Variants in CPQ observed in about 807,000 individuals in gnomAD.
CPQ encodes Ser-Met dipeptidase.
CPQ carries 37 observed loss-of-function variants against 45.7 expected under a neutral mutation model. The observed-to-expected ratio is 0.81, with a 90% CI of 0.62 to 1.07. The LOEUF is 1.07. Among genes scored for constraint, CPQ ranks in the 50% least tolerant of loss-of-function variants. CPQ has a pLI of 0.00. For missense variants in CPQ, 537 were observed against 572.9 expected, an observed-to-expected ratio of 0.94 and a Z score of 0.64; for synonymous variants, 186 against 205.8, an observed-to-expected ratio of 0.90 and a Z score of 0.82.
intron 1 of CPQ, among the ~76,000 whole-genome samples, chr8:96,710,015 G>C (rs979371776): frequency 1.3e-5 from 2 of 151,878 alleles, no homozygotes; most frequent in African/African-American, 4.8e-5. Flanking sequence ...CTGGCCCTGG[G>C]CTTTTTCTTT....
At chr8:96,833,489 C>T (rs911417491) in intron 2 of CPQ, among the ~76,000 whole-genome samples, 5 of 152,134 alleles carry the variant, frequency 3.3e-5, no homozygotes, top group African/African-American at 1.2e-4. Context: ...ACTATCGAAC[C>T]TGTTATTCAT....
chr8:96,913,961 C>A (rs1163351069), intron 4 of CPQ, among the ~76,000 whole-genome samples: 1 of 152,118 alleles, frequency 6.6e-6, no homozygotes, highest in African/African-American at 2.4e-5. Context: ...TTGTTCATTT[C>A]ATTGTATTCA....
At chr8:96,916,354 G>A (rs1303633841) in intron 4 of CPQ, among the ~76,000 whole-genome samples, 1 of 152,038 alleles carries the variant, frequency 6.6e-6, no homozygotes, top group African/African-American at 2.4e-5. Context: ...TCATAGATAT[G>A]AATTAAACCA....
intron 1 of CPQ, among the ~76,000 whole-genome samples, chr8:96,690,226 C>T (rs1447398779): frequency 6.6e-6 from 1 of 152,058 alleles, no homozygotes; most frequent in Admixed American, 6.6e-5. Flanking sequence ...CCTATTTTCT[C>T]CTTTTGTGGC....
At chr8:97,001,049 G>A (rs1449744001) in intron 5 of CPQ, among the ~76,000 whole-genome samples, 2 of 151,746 alleles carry the variant, frequency 1.3e-5, no homozygotes, top group African/African-American at 4.8e-5. Context: ...TTGCTTATTG[G>A]TGGTATATAG....
At chr8:97,013,914 T>C (rs1312924123) in intron 5 of CPQ, among the ~76,000 whole-genome samples, 1 of 152,262 alleles carries the variant, frequency 6.6e-6, no homozygotes, top group East Asian at 1.9e-4. Context: ...TAATAATTTC[T>C]TGTATTGACA....
At chr8:96,708,203 G>C (rs1204671591) in intron 1 of CPQ, among the ~76,000 whole-genome samples, 3 of 151,766 alleles carry the variant, frequency 2.0e-5, no homozygotes, top group Admixed American at 1.3e-4. Flanking sequence ...ACACTTATAA[G>C]GATTCTTGTG....
chr8:96,891,839 T>G (rs1023084311), intron 4 of CPQ, among the ~76,000 whole-genome samples: 1 of 152,198 alleles, frequency 6.6e-6, no homozygotes, highest in Non-Finnish European at 1.5e-5. Context: ...TACATGCTTC[T>G]ATAGGGGCTC....
intron 7 of CPQ, among the ~76,000 whole-genome samples, chr8:97,114,466 T>A (rs2130597994): frequency 6.6e-6 from 1 of 152,328 alleles, no homozygotes; most frequent in Middle Eastern, 3.4e-3. Flanking sequence ...TGAGACAATA[T>A]GTGGAAGTGC....
At chr8:96,797,778 G>A (rs1810953269) in intron 2 of CPQ, among the ~76,000 whole-genome samples, 3 of 152,040 alleles carry the variant, frequency 2.0e-5, no homozygotes, top group Admixed American at 2.0e-4. Flanking sequence ...ATTGCCAGGT[G>A]CGGTGGCTCA....
At chr8:96,776,867 A>G (rs1404372231) in intron 1 of CPQ, among the ~76,000 whole-genome samples, 2 of 152,218 alleles carry the variant, frequency 1.3e-5, no homozygotes, top group East Asian at 3.8e-4. Flanking sequence ...AAAGCATGAT[A>G]CAGCATGGGT....
chr8:96,909,628 T>C (rs1246739275), intron 4 of CPQ, among the ~76,000 whole-genome samples: 3 of 152,158 alleles, frequency 2.0e-5, no homozygotes, highest in Non-Finnish European at 4.4e-5. Context: ...GGTGTGACTG[T>C]CCTGCTGTTA....
chr8:97,101,936 CTCT>C (rs1362880004), intron 7 of CPQ, among the ~76,000 whole-genome samples: 37 of 146,000 alleles, frequency 2.5e-4, no homozygotes, highest in African/African-American at 8.8e-4. Context: ...CTCTCTCTCT[CTCT>C]CTCCCTCCCT....
At chr8:97,113,782 C>G (rs543163779) in intron 7 of CPQ, among the ~76,000 whole-genome samples, 3 of 152,228 alleles carry the variant, frequency 2.0e-5, no homozygotes, top group Non-Finnish European at 4.4e-5. Context: ...CTGGTGGATA[C>G]TCACCCAGTC....
intron 6 of CPQ, among the ~76,000 whole-genome samples, chr8:97,046,535 A>C (rs1004825260): frequency 6.6e-6 from 1 of 152,220 alleles, no homozygotes; most frequent in African/African-American, 2.4e-5. Flanking sequence ...AAGTGGTTTC[A>C]TCATATGATT....
intron 1 of CPQ, among the ~76,000 whole-genome samples, chr8:96,709,055 G>A (rs1269888544): frequency 6.6e-6 from 1 of 151,832 alleles, no homozygotes; most frequent in African/African-American, 2.4e-5. Context: ...TTCTTTTTCT[G>A]TCATTGTTCT....
At chr8:96,754,872 C>A (rs1251279189) in intron 1 of CPQ, among the ~76,000 whole-genome samples, 1 of 151,690 alleles carries the variant, frequency 6.6e-6, no homozygotes, top group Non-Finnish European at 1.5e-5. Context: ...CTTTCTTTTT[C>A]AAAAAATTTA....
chr8:96,702,153 C>T (rs921078852), intron 1 of CPQ, among the ~76,000 whole-genome samples: 4 of 152,130 alleles, frequency 2.6e-5, no homozygotes, highest in South Asian at 2.1e-4. Flanking sequence ...GGCCTGTGGA[C>T]GGTTGGTTTG....
intron 6 of CPQ, among the ~76,000 whole-genome samples, chr8:97,053,626 T>C (rs928639180): frequency 6.6e-6 from 1 of 152,092 alleles, no homozygotes; most frequent in Non-Finnish European, 1.5e-5. Flanking sequence ...AAGAAGTCAA[T>C]ATAAAGAAGC....
Sources: gnomAD v4.1 joint callset for allele counts (sites outside exome capture counted in the v4.1 genomes callset) on GRCh38, gnomAD v4.1.1 for gene constraint, MANE v1.5 for transcripts, NCBI Gene and HGNC (gene_info 2026-07-23, HGNC 2026-07-21) for gene names.